Variants in PPFIBP2 observed in about 807,000 individuals in gnomAD.
PPFIBP2 encodes the protein liprin-beta-2.
A neutral mutation model predicts 118.3 loss-of-function variants in PPFIBP2; 118 were observed. That is an observed-to-expected ratio of 1.00 (90% CI 0.86 to 1.16). The LOEUF is 1.16. Among genes scored for constraint, PPFIBP2 ranks in the 50% most tolerant of loss-of-function variants. The pLI is 0.00. For synonymous variants in PPFIBP2, 414 were observed against 397.4 expected (o/e 1.04, Z -0.50); for missense variants, 1,195 against 1,073.1 (o/e 1.11, Z -1.59).
At chr11:7,575,836 C>T (rs569752283) in intron 3 of PPFIBP2, among the ~76,000 whole-genome samples, 3 of 152,336 alleles carry the variant, frequency 2.0e-5, no homozygotes, top group East Asian at 1.9e-4. Context: ...GGGTGGGTCA[C>T]ACTGTGCTGT....
At chr11:7,614,059 A>G (rs1485537376) in intron 6 of PPFIBP2, among the ~76,000 whole-genome samples, 1 of 152,218 alleles carries the variant, frequency 6.6e-6, no homozygotes, top group Non-Finnish European at 1.5e-5. Context: ...TGGACTTGGA[A>G]CACAGAGTGA....
intron 5 of PPFIBP2, among the ~76,000 whole-genome samples, chr11:7,607,461 A>T (rs548685111): frequency 1.3e-5 from 2 of 151,564 alleles, no homozygotes; most frequent in South Asian, 2.1e-4. Flanking sequence ...GGCTCAAATG[A>T]TCCACCCACC....
chr11:7,586,207 G>C, intron 3 of PPFIBP2, among the ~76,000 whole-genome samples: 1 of 152,122 alleles, frequency 6.6e-6, no homozygotes, highest in East Asian at 1.9e-4. Flanking sequence ...CCCTTGGGTT[G>C]TTTGTACAGA....
intron 6 of PPFIBP2, 60 bp from the exon 7 acceptor site, chr11:7,620,875 G>A: frequency 1.6e-6 from 2 of 1,241,266 alleles, no homozygotes; most frequent in Non-Finnish European, 2.4e-6. Flanking sequence ...TAACCAGGTT[G>A]GTAAATCAAG....
rs369265409 is a variant in PPFIBP2 at position 7,591,090 on chromosome 11, T to A, written c.280-2042T>A. On this transcript the variant is annotated intron_variant, in intron 3 of 23. Transcript: ENST00000299492. ...TCATACATTTTATTAACTGAATTTATGATTTCAACTTTCTTACTCTTTTTT... is the reference window on the plus strand; with the variant it reads ...TCATACATTTTATTAACTGAATTTAAGATTTCAACTTTCTTACTCTTTTTT... Among the ~76,000 whole-genome samples, 68 of 146,482 alleles carry A rather than the reference T, an allele frequency of 4.6e-4. 1 individual carries two copies. Among genetic ancestry groups the A allele is most frequent in the African/African-American group, 1.7e-3 (67 of 40,070 alleles).
intron 2 of PPFIBP2, among the ~76,000 whole-genome samples, chr11:7,558,741 G>C (rs1453294573): frequency 1.3e-5 from 2 of 151,032 alleles, no homozygotes; most frequent in Non-Finnish European, 2.9e-5. Flanking sequence ...GGGTAACAGA[G>C]CAACTCTGTC....
chr11:7,606,886 A>AT (rs529585905), intron 5 of PPFIBP2, among the ~76,000 whole-genome samples: 903 of 51,416 alleles, frequency 0.018, 305 homozygotes, highest in Non-Finnish European at 0.026. Flanking sequence ...AACTGCATGA[A>AT]TTTTTTTTTT....
intron 3 of PPFIBP2, among the ~76,000 whole-genome samples, chr11:7,592,257 G>A (rs906442071): frequency 1.3e-5 from 2 of 152,094 alleles, no homozygotes; most frequent in Non-Finnish European, 1.5e-5. Context: ...GGTGACATTA[G>A]CTCCTTCTCT....
intron 5 of PPFIBP2, among the ~76,000 whole-genome samples, chr11:7,600,655 C>G (rs376369432): frequency 1.3e-5 from 2 of 152,218 alleles, no homozygotes; most frequent in African/African-American, 4.8e-5. Context: ...TTCACTGTCT[C>G]AGTGTGCGCC....
chr11:7,644,035 C>A (rs1359641236), intron 17 of PPFIBP2, among the ~76,000 whole-genome samples: 1 of 152,150 alleles, frequency 6.6e-6, no homozygotes, highest in Non-Finnish European at 1.5e-5. Flanking sequence ...TTATGAACCT[C>A]CAAATTTCCT....
At position 7,653,103 on chromosome 11, in the gene PPFIBP2, T is replaced by G; in HGVS notation, c.2516T>G (p.Met839Arg). 6.2e-7 allele frequency: 1 copy of G among 1,614,180 alleles called. No homozygotes were observed. The highest frequency in any genetic ancestry group is 8.5e-7 in the Non-Finnish European group (1 of 1,180,006). Residue 839 changes from methionine to arginine, a missense_variant, in exon 24 of 24, where the codon ATG (methionine) becomes AGG (arginine). By Grantham distance (91) the Met-to-Arg change is moderately conservative (BLOSUM62 -1). Transcript: ENST00000299492. Reference sequence around the variant, plus strand: ...GAATCGACGGACTACATTTGCCCAATGGAGCCCAGTGACGGTGTCAGTGAT... The same window carrying G: ...GAATCGACGGACTACATTTGCCCAAGGGAGCCCAGTGACGGTGTCAGTGAT... The part of the protein sequence containing the change: ...FDESTDYICP[M>R]EPSDGVSDSH...
At chr11:7,597,187 T>C (rs1206931325) in intron 4 of PPFIBP2, 4 of 1,477,124 alleles carry the variant, frequency 2.7e-6, no homozygotes, top group Non-Finnish European at 3.6e-6. Flanking sequence ...CCACACGAGG[T>C]TGCAGAAGTG....
At chr11:7,636,349 T>C (rs1851450614) in intron 14 of PPFIBP2, among the ~76,000 whole-genome samples, 1 of 152,174 alleles carries the variant, frequency 6.6e-6, no homozygotes, top group Non-Finnish European at 1.5e-5. Flanking sequence ...TTTCTGCACG[T>C]CTGCATCTAT....
intron 3 of PPFIBP2, among the ~76,000 whole-genome samples, chr11:7,581,600 C>T (rs1455763094): frequency 6.6e-6 from 1 of 152,078 alleles, no homozygotes; most frequent in African/African-American, 2.4e-5. Flanking sequence ...ACGGAGGTCT[C>T]CTCACTCCAG....
At chr11:7,561,499 C>T (rs1176183857) in intron 2 of PPFIBP2, among the ~76,000 whole-genome samples, 1 of 152,214 alleles carries the variant, frequency 6.6e-6, no homozygotes, top group Non-Finnish European at 1.5e-5. Context: ...AAATCTTCCT[C>T]TCACTCAGTT....
chr11:7,541,505 G>T (rs1286939166), intron 1 of PPFIBP2, among the ~76,000 whole-genome samples: 2 of 152,144 alleles, frequency 1.3e-5, no homozygotes, highest in African/African-American at 4.8e-5. Flanking sequence ...TCGCTTATGG[G>T]TGCCACTCTC....
At position 7,626,257 on chromosome 11, in the gene PPFIBP2, G is replaced by A. The variant is rs115664967; in HGVS notation, c.826+366G>A. ...CTTACTTTTGTGTCATCACCAAAGG[G>A]GAGGCTTTAGAAATTTACTCAGTCA... On this transcript the variant is annotated intron_variant, in intron 8 of 23. Transcript: ENST00000299492. Among the ~76,000 whole-genome samples, 1,106 of 152,276 alleles carry A rather than the reference G, an allele frequency of 7.3e-3. 13 individuals are homozygous for A. Among genetic ancestry groups the A allele is most frequent in the African/African-American group, 0.026 (1,061 of 41,544 alleles).
intron 12 of PPFIBP2, 140 bp from the exon 13 acceptor site, chr11:7,634,355 C>G: frequency 1.5e-6 from 1 of 669,998 alleles, no homozygotes; most frequent in Non-Finnish European, 2.6e-6. Flanking sequence ...TATGTAAAGG[C>G]TATTATGAGA....
chr11:7,582,843 A>G (rs1480734886), intron 3 of PPFIBP2, among the ~76,000 whole-genome samples: 1 of 152,138 alleles, frequency 6.6e-6, no homozygotes. Flanking sequence ...AGCCAAGGCT[A>G]TCCCAGTATC....
Sources: allele counts gnomAD v4.1 joint callset (sites outside exome capture counted in the v4.1 genomes callset), GRCh38; gene constraint gnomAD v4.1.1; transcripts MANE v1.5; gene names NCBI Gene and HGNC (gene_info 2026-07-23, HGNC 2026-07-21).